The following PDS5B variants were observed in gnomAD, a reference collection of about 807,000 sequenced individuals.
The protein encoded by PDS5B is sister chromatid cohesion protein PDS5 homolog B.
PDS5B carries 51 observed loss-of-function variants against 184.1 expected under a neutral mutation model. That is an observed-to-expected ratio of 0.28 (90% confidence interval 0.22 to 0.35). The LOEUF is 0.35. Among genes scored for constraint, PDS5B ranks in the 10% least tolerant of loss-of-function variants. The pLI is 1.00. For synonymous variants in PDS5B, 566 were observed against 569.2 expected, an observed-to-expected ratio of 0.99 and a Z score of 0.08; for missense variants, 1,180 against 1,723.3, an observed-to-expected ratio of 0.68 and a Z score of 5.58.
At chr13:32,665,921 T>G (rs765698356) in intron 6 of PDS5B, among the ~76,000 whole-genome samples, 4 of 152,104 alleles carry the variant, frequency 2.6e-5, no homozygotes, top group African/African-American at 9.7e-5. Flanking sequence ...AAGACAAATA[T>G]GTTTTCACTC....
intron 16 of PDS5B, chr13:32,701,088 G>A (rs886670933): frequency 7.1e-6 from 2 of 282,838 alleles, no homozygotes; most frequent in Non-Finnish European, 1.3e-5. Context: ...TGTCTATCCA[G>A]TAATTTCAAT....
At chr13:32,625,838 C>CTTT (rs67536326) in intron 1 of PDS5B, among the ~76,000 whole-genome samples, 2 of 131,388 alleles carry the variant, frequency 1.5e-5, no homozygotes, top group Admixed American at 7.6e-5. Context: ...GACCAGTATT[C>CTTT]TTTTTTTTTT....
At chr13:32,735,042 T>TACA (rs1340555747) in intron 20 of PDS5B, 130 bp from the exon 21 acceptor site, 1 of 525,670 alleles carries the variant, frequency 1.9e-6, no homozygotes, top group African/African-American at 2.0e-5. Flanking sequence ...TATTGAAATT[T>TACA]TTGTAGTTTT....
intron 25 of PDS5B, among the ~76,000 whole-genome samples, chr13:32,754,801 T>G (rs973609633): frequency 6.6e-6 from 1 of 152,208 alleles, no homozygotes; most frequent in Admixed American, 6.5e-5. Context: ...AAAGAAGTGC[T>G]CAGTATGTGT....
intron 1 of PDS5B, among the ~76,000 whole-genome samples, chr13:32,601,819 A>T (rs1053955521): frequency 1.3e-5 from 2 of 152,198 alleles, no homozygotes; most frequent in Non-Finnish European, 2.9e-5. Context: ...AGGTATATTC[A>T]AGAGGGAACT....
chr13:32,741,699 CTGTG>C (rs3050179), intron 22 of PDS5B, among the ~76,000 whole-genome samples: 18,471 of 138,944 alleles, frequency 0.13, 1,192 homozygotes, highest in African/African-American at 0.17. Flanking sequence ...CCCTTTCAGT[CTGTG>C]TGTGTGTGTG....
intron 3 of PDS5B, among the ~76,000 whole-genome samples, chr13:32,655,143 C>G (rs1192775802): frequency 6.6e-6 from 1 of 151,408 alleles, no homozygotes; most frequent in Non-Finnish European, 1.5e-5. Flanking sequence ...ATATTCCCAC[C>G]AGTGATGTAT....
At chr13:32,726,925 A>G (rs745373705) in intron 19 of PDS5B, among the ~76,000 whole-genome samples, 1 of 151,990 alleles carries the variant, frequency 6.6e-6, no homozygotes, top group African/African-American at 2.4e-5. Flanking sequence ...GAAAAAGTTT[A>G]TTTATTTATT....
chr13:32,622,835 A>G (rs910980777), intron 1 of PDS5B, among the ~76,000 whole-genome samples: 5 of 152,204 alleles, frequency 3.3e-5, no homozygotes, highest in African/African-American at 9.7e-5. Flanking sequence ...GGTGCCTGTT[A>G]CAACCCATTG....
At chr13:32,691,202 T>C (rs1370973645) in intron 13 of PDS5B, 2 of 152,088 alleles carry the variant, frequency 1.3e-5, no homozygotes, top group Non-Finnish European at 2.9e-5. Context: ...TGTGTATATA[T>C]GTGTATCCCT....
intron 1 of PDS5B, among the ~76,000 whole-genome samples, chr13:32,626,313 A>G (rs1242369634): frequency 3.9e-5 from 6 of 152,216 alleles, no homozygotes; most frequent in Non-Finnish European, 7.3e-5. Context: ...CTCCTCAACT[A>G]CAAACAGAAC....
intron 1 of PDS5B, among the ~76,000 whole-genome samples, chr13:32,589,645 T>A (rs2057743905): frequency 6.6e-6 from 1 of 152,264 alleles, no homozygotes. Flanking sequence ...TTTTTCATTT[T>A]TAAACTCAGT....
intron 1 of PDS5B, among the ~76,000 whole-genome samples, chr13:32,625,769 A>C (rs2058361263): frequency 6.6e-6 from 1 of 151,678 alleles, no homozygotes; most frequent in Non-Finnish European, 1.5e-5. Flanking sequence ...GTTGTGTTGC[A>C]ATAAAAAAAA....
chr13:32,663,736 A>C (rs1950712711), intron 6 of PDS5B, among the ~76,000 whole-genome samples: 1 of 152,200 alleles, frequency 6.6e-6, no homozygotes, highest in Non-Finnish European at 1.5e-5. Flanking sequence ...AAATTTCAGT[A>C]GCTTTTGGGG....
chr13:32,624,869 T>C (rs1445708674), intron 1 of PDS5B, among the ~76,000 whole-genome samples: 1 of 152,164 alleles, frequency 6.6e-6, no homozygotes, highest in Non-Finnish European at 1.5e-5. Context: ...TCCAAGTGCA[T>C]ACTACTTACT....
At chr13:32,671,992 TA>T (rs1275403356) in intron 7 of PDS5B, among the ~76,000 whole-genome samples, 1 of 152,180 alleles carries the variant, frequency 6.6e-6, no homozygotes, top group Non-Finnish European at 1.5e-5. Context: ...CCAATTTCAG[TA>T]GTAATATGAT....
At position 32,599,746 on chromosome 13, in the gene PDS5B, A is replaced by C. The variant is rs146720332; in HGVS notation, c.-20+13153A>C. Among the ~76,000 whole-genome samples the C allele has an allele frequency of 3.6e-3, 543 of 152,080 alleles. 4 individuals are homozygous for C. The highest frequency in any genetic ancestry group is 0.012 in the African/African-American group (519 of 41,544). On this transcript the variant is annotated intron_variant, in intron 1 of 34. Coordinates refer to ENST00000315596, the MANE Select transcript of PDS5B (RefSeq NM_015032.4). Reference sequence around the variant, plus strand: ...TGGCTAACATGGTGAAACCCCGTCTACTAAAAATACAAAAAGAAATTAGCC... The same window carrying C: ...TGGCTAACATGGTGAAACCCCGTCTCCTAAAAATACAAAAAGAAATTAGCC...
chr13:32,764,479 G>T lies in PDS5B; in HGVS notation c.3519-10G>T, dbSNP rs1025823421. On this transcript the variant is annotated splice_polypyrimidine_tract_variant and intron_variant, in intron 30 of 34. Coordinates refer to ENST00000315596, the MANE Select transcript of PDS5B (RefSeq NM_015032.4). ...ATTGTAATAACAATTACAAATGTCTGTATTAAAAGGCTTGATAGTTCTGAA... is the reference window on the plus strand; with the variant it reads ...ATTGTAATAACAATTACAAATGTCTTTATTAAAAGGCTTGATAGTTCTGAA... 6.7e-6 allele frequency: 10 copies of T among 1,490,012 alleles called. No individual in the cohort carries two copies. Among genetic ancestry groups the T allele is most frequent in the South Asian group, 6.1e-5 (5 of 82,226 alleles). 92.3% of individuals were successfully genotyped at this position (1,490,012 alleles called of 1,614,324 possible).
In PDS5B at chr13:32,760,041, C is replaced by T. The variant is rs984687535; in HGVS notation, c.3372+351C>T. Among the ~76,000 whole-genome samples the T allele has an allele frequency of 3.3e-5, 5 of 152,022 alleles. No homozygotes were observed. In the East Asian group the frequency reaches 5.8e-4, roughly 18 times the overall value. ...GCGCATCTCGGCTCACTGCAAGCTC[C>T]GCCTCCTGGGTTCAAGTCATTCTCC... On this transcript the variant is annotated intron_variant, in intron 29 of 34. Transcript: ENST00000315596.
Sources: allele counts gnomAD v4.1 joint callset (sites outside exome capture counted in the v4.1 genomes callset), GRCh38; gene constraint gnomAD v4.1.1; transcripts MANE v1.5; gene names NCBI Gene and HGNC (gene_info 2026-07-23, HGNC 2026-07-21).